The following GABRE variants were observed in gnomAD, a reference collection of about 807,000 sequenced individuals.
GABRE encodes gamma-aminobutyric acid type A receptor subunit epsilon, also known as gamma-aminobutyric acid receptor subunit epsilon.
GABRE carries 20 observed loss-of-function variants against 31.0 expected under a neutral mutation model. The observed-to-expected ratio is 0.64, with a 90% confidence interval of 0.45 to 0.94. The LOEUF is 0.94. GABRE is among the 40% of genes least tolerant of loss of function. GABRE has a pLI of 0.00. For synonymous variants in GABRE, 155 were observed against 150.6 expected (o/e 1.03, Z -0.21); for missense variants, 420 against 410.7 (o/e 1.02, Z -0.20).
intron 3 of GABRE, 37 bp from the exon 4 acceptor site, chrX:151,962,680 G>A (rs1283912948): frequency 9.1e-7 from 1 of 1,094,479 alleles, no homozygotes; most frequent in Non-Finnish European, 1.3e-6. Flanking sequence ...ACTTGGGGAT[G>A]AACAGAAAAA....
chrX:151,966,049 A>G (rs911260729), intron 3 of GABRE, among the ~76,000 whole-genome samples: 1 of 112,526 alleles, frequency 8.9e-6, no homozygotes, highest in African/African-American at 3.2e-5. Context: ...GCCAGTGGGA[A>G]GCCTTGCCCT....
At chrX:151,968,740 G>A (rs1256610337) in intron 3 of GABRE, among the ~76,000 whole-genome samples, 1 of 111,931 alleles carries the variant, frequency 8.9e-6, no homozygotes, top group African/African-American at 3.3e-5. Flanking sequence ...CATTTGCTTA[G>A]CTAACATATA....
Position 151,959,909 on chromosome X carries a change from GTTC to G in GABRE, c.711_713del (p.Lys237del). On this transcript the variant is annotated inframe_deletion, in exon 6 of 9. Transcript: ENST00000370328. ...AATCAAACTGGAAGAGCTTCCAGGA[GTTC>G]TTCTCATTGATTTCAAGCTTGAAAT... 1.7e-6 allele frequency: 2 copies of G among 1,207,530 alleles called. No homozygotes were observed. Among genetic ancestry groups the G allele is most frequent in the East Asian group, 3.0e-5 (1 of 33,823 alleles).
At chrX:151,969,181 G>C (rs1197463714) in intron 3 of GABRE, among the ~76,000 whole-genome samples, 1 of 111,568 alleles carries the variant, frequency 9.0e-6, no homozygotes, top group African/African-American at 3.3e-5. Flanking sequence ...GGGACTGCAG[G>C]AGGTGCATCA....
At chrX:151,961,252 T>C in intron 5 of GABRE, 31 bp downstream of exon 5, 2 of 1,061,116 alleles carry the variant, frequency 1.9e-6, no homozygotes, top group Non-Finnish European at 2.6e-6. Flanking sequence ...AGCATGTTTC[T>C]GGGGCCCCAG....
In GABRE at chrX:151,954,771, G is replaced by C; in HGVS notation, c.1451C>G (p.Ser484Trp). 1.7e-6 allele frequency: 2 copies of C among 1,211,557 alleles called. No individual in the cohort carries two copies. Among genetic ancestry groups the C allele is most frequent in the Non-Finnish European group, 2.2e-6 (2 of 895,357 alleles). The change falls in exon 9 of 9, where the codon TCG (serine) becomes TGG (tryptophan). Residue 484 changes from serine (S) to tryptophan (W), a missense_variant. By Grantham distance (177) the Ser-to-Trp change is radical. Transcript: ENST00000370328. ...CIHVYRLDNY[S>W]RVVFPVTFFF... ...GAAAGTCACTGGGAAAACAACTCTC[G>C]AGTAGTTATCCAGGCGGTAGACATG... is the stretch of plus-strand genomic sequence containing the variant.
intron 6 of GABRE, chrX:151,957,466 C>T (rs910523185): frequency 6.1e-6 from 2 of 329,302 alleles, no homozygotes; most frequent in African/African-American, 2.7e-5. Context: ...TATCAAAAGT[C>T]CTCTTGCCGT....
chrX:151,974,585 A>G lies in GABRE; in HGVS notation c.41T>C (p.Leu14Ser), dbSNP rs762046305. Reference sequence around the variant, plus strand: ...GGAGACTCACCTCGACTGGAGGATCAATAAGATGCCTAGGAGGACTGGAAG... The same window carrying G: ...GGAGACTCACCTCGACTGGAGGATCGATAAGATGCCTAGGAGGACTGGAAG... ...KVLPVLLGIL[L>S]ILQSRVEGPQ... The change falls in exon 1 of 9, where the codon TTG becomes TCG. Residue 14 changes from leucine to serine, a missense_variant. Physicochemically the swap from Leu to Ser is moderately radical, Grantham distance 145. Coordinates refer to ENST00000370328, the MANE Select transcript of GABRE (RefSeq NM_004961.4). The G allele has an allele frequency of 3.9e-5, 46 of 1,175,453 alleles. No individual in the cohort carries two copies. Among genetic ancestry groups the G allele is most frequent in the Non-Finnish European group, 5.1e-5 (45 of 877,080 alleles).
At position 151,962,422 on chromosome X, in the gene GABRE, C is replaced by T; in HGVS notation, c.563+1G>A. 1 of 1,202,715 alleles carries T rather than the reference C, an allele frequency of 8.3e-7. No homozygotes were observed. Among genetic ancestry groups the T allele is most frequent in the South Asian group, 1.8e-5 (1 of 56,627 alleles). On this transcript the variant is annotated splice_donor_variant, in intron 4 of 8. Transcript: ENST00000370328. LOFTEE classifies it high-confidence loss of function. Reference sequence around the variant, plus strand: ...AGTGAGACTCCAGAGGCTTGACATACCTAATTGTGTACAACACCTTGCCAT... The same window carrying T: ...AGTGAGACTCCAGAGGCTTGACATATCTAATTGTGTACAACACCTTGCCAT...
intron 2 of GABRE, 63 bp downstream of exon 2, chrX:151,970,122 C>A: frequency 8.4e-7 from 1 of 1,192,812 alleles, no homozygotes; most frequent in Non-Finnish European, 1.1e-6. Flanking sequence ...GGTGCATTCT[C>A]CATGCCTATG....
At position 151,961,320 on chromosome X, in the gene GABRE, T is replaced by C; in HGVS notation, c.609A>G (p.Pro203=). Residue 203 remains proline, a synonymous_variant, in exon 5 of 9, where the codon CCA becomes CCG. Coordinates refer to ENST00000370328, the MANE Select transcript of GABRE (RefSeq NM_004961.4). The part of the protein sequence containing the change: ...AGCSLHMLRF[P]MDSHSCPLSF... ...ATAGAGGGCAAGAGTGAGAATCCAT[T>C]GGAAATCTGAGCATGTGGAGTGAGC... 8.3e-7 allele frequency: 1 copy of C among 1,208,047 alleles called. No homozygotes were observed. The highest frequency in any genetic ancestry group is 1.8e-5 in the South Asian group (1 of 56,829).
chrX:151,957,723 C>T lies in GABRE; in HGVS notation c.785-1863G>A, dbSNP rs183252286. 2.5e-3 allele frequency: 580 copies of T among 232,127 alleles called. 3 individuals carry two copies. Among genetic ancestry groups the T allele is most frequent in the African/African-American group, 0.016 (535 of 34,387 alleles). The allele number at this position is 232,127 out of a possible 1,213,427, so 19.1% of individuals were successfully genotyped here. ...TTCTTCTTGAGGAGTGAGAGAAGCA[C>T]GGGTAAGGAAAACAATATATCTGGG... On this transcript the variant is annotated intron_variant, in intron 6 of 8. Transcript: ENST00000370328.
chrX:151,973,274 T>C (rs1362031775), intron 1 of GABRE, among the ~76,000 whole-genome samples: 1 of 110,955 alleles, frequency 9.0e-6, no homozygotes, highest in African/African-American at 3.3e-5. Context: ...TTTTCCCTGC[T>C]GTTTTCCTCT....
At chrX:151,961,124 T>A in intron 5 of GABRE, 159 bp downstream of exon 5, 1 of 457,264 alleles carries the variant, frequency 2.2e-6, no homozygotes, top group Non-Finnish European at 3.9e-6. Flanking sequence ...CACAGTATTG[T>A]TGGCAGGAAA....
chrX:151,969,776 C>A, intron 2 of GABRE, 40 bp from the exon 3 acceptor site: 1 of 1,201,978 alleles, frequency 8.3e-7, no homozygotes, highest in Non-Finnish European at 1.1e-6. Flanking sequence ...AAGTGTCAAA[C>A]AGGCGCATGG....
At position 151,974,647 on chromosome X, in the gene GABRE, C is replaced by G. The variant is rs201582441; in HGVS notation, c.-22G>C. ...ACATTTCCGCGGAGACCGGCGCGAC[C>G]ACCTGCGCGGAGGTCGCGGCTCACG... On this transcript the variant is annotated 5_prime_UTR_variant, in exon 1 of 9. Coordinates refer to ENST00000370328, the MANE Select transcript of GABRE (RefSeq NM_004961.4). 1 of 1,142,925 alleles carries G rather than the reference C, an allele frequency of 8.7e-7. No individual in the cohort carries two copies. The highest frequency in any genetic ancestry group is 1.2e-6 in the Non-Finnish European group (1 of 849,571). 94.2% of individuals were successfully genotyped at this position (1,142,925 alleles called of 1,213,427 possible).
Position 151,970,090 on chromosome X carries a change from T to C in GABRE, c.274+95A>G. On this transcript the variant is annotated intron_variant, in intron 2 of 8. Transcript: ENST00000370328. ...TAGCAGATGTTCCTGTCCATGAGCA[T>C]GGCACCCTCTGTTACTGCCCAGGTG... is the stretch of plus-strand genomic sequence containing the variant. 5 of 1,163,012 alleles carry C rather than the reference T, an allele frequency of 4.3e-6. No homozygotes were observed. The Middle Eastern group carries it at 1.4e-3, about 322-fold the overall frequency.
intron 3 of GABRE, chrX:151,969,317 A>C (rs1934614429): frequency 7.5e-6 from 1 of 134,098 alleles, no homozygotes; most frequent in Admixed American, 8.8e-5. Context: ...TAGAGCAAAA[A>C]TATAGAACAG....
intron 3 of GABRE, among the ~76,000 whole-genome samples, chrX:151,967,845 A>AC (rs888885601): frequency 5.4e-5 from 6 of 111,911 alleles, no homozygotes; most frequent in Non-Finnish European, 1.1e-4. Flanking sequence ...GAACATCATG[A>AC]CCATGTGTAG....
Sources: gnomAD v4.1 joint callset for allele counts (sites outside exome capture counted in the v4.1 genomes callset) on GRCh38, gnomAD v4.1.1 for gene constraint, MANE v1.5 for transcripts, NCBI Gene and HGNC (gene_info 2026-07-23, HGNC 2026-07-21) for gene names.